The following PDGFD variants were observed in gnomAD, a reference collection of about 807,000 sequenced individuals.
PDGFD encodes the protein platelet derived growth factor D.
In PDGFD, 30 loss-of-function variants were observed where a neutral mutation model predicts 44.7. The observed-to-expected ratio is 0.67, with a 90% CI of 0.50 to 0.91. The LOEUF is 0.91. Ranked by LOEUF, PDGFD falls within the 40% of genes least tolerant of loss-of-function variation. The probability of loss-of-function intolerance (pLI) is 0.00; values close to 1 mark genes in which losing one functional copy is unlikely to be tolerated. For synonymous variants in PDGFD, 173 were observed against 168.4 expected (o/e 1.03, Z -0.21); for missense variants, 445 against 457.8 (o/e 0.97, Z 0.25).
Position 103,927,289 on chromosome 11 carries a change from C to T in PDGFD, c.773-163G>A, listed in dbSNP as rs529157515. On this transcript the variant is annotated intron_variant, in intron 5 of 6. Coordinates refer to ENST00000393158, the MANE Select transcript of PDGFD (RefSeq NM_025208.5). ...ATTACTGGGAACCTAAAGTAAAAGACCTAATTTCTCTCTTGATCCCATCTA... is the reference window on the plus strand; with the variant it reads ...ATTACTGGGAACCTAAAGTAAAAGATCTAATTTCTCTCTTGATCCCATCTA... 2.5e-4 allele frequency among the ~76,000 whole-genome samples: 38 copies of T among 152,238 alleles called. 2 individuals carry two copies. The highest frequency in any genetic ancestry group is 2.0e-3 in the Admixed American group (30 of 15,270).
intron 3 of PDGFD, among the ~76,000 whole-genome samples, chr11:103,965,209 T>C (rs1335801663): frequency 6.6e-6 from 1 of 152,160 alleles, no homozygotes; most frequent in Non-Finnish European, 1.5e-5. Flanking sequence ...ACTTATCAGT[T>C]AAGACGGCTC....
At chr11:104,039,108 T>C (rs1860304552) in intron 1 of PDGFD, 2 of 167,084 alleles carry the variant, frequency 1.2e-5, no homozygotes, top group South Asian at 4.1e-4. Flanking sequence ...GAGAAAAGTT[T>C]CAGCTTCCTG....
chr11:103,997,344 G>A (rs1859548139), intron 2 of PDGFD, among the ~76,000 whole-genome samples: 1 of 152,098 alleles, frequency 6.6e-6, no homozygotes, highest in South Asian at 2.1e-4. Flanking sequence ...AATACATAGA[G>A]AAACCAATAT....
intron 1 of PDGFD, among the ~76,000 whole-genome samples, chr11:104,113,396 T>G (rs553161162): frequency 6.6e-6 from 1 of 152,190 alleles, no homozygotes; most frequent in African/African-American, 2.4e-5. Context: ...GAGTGATGCA[T>G]GTAATGTGAA....
intron 3 of PDGFD, among the ~76,000 whole-genome samples, chr11:103,986,413 CA>C (rs1859365448): frequency 6.6e-6 from 1 of 152,202 alleles, no homozygotes; most frequent in African/African-American, 2.4e-5. Context: ...TGTGGGCTCC[CA>C]CCCTTTATGG....
At chr11:104,065,444 T>G (rs1860775652) in intron 1 of PDGFD, among the ~76,000 whole-genome samples, 1 of 152,152 alleles carries the variant, frequency 6.6e-6, no homozygotes, top group Admixed American at 6.5e-5. Flanking sequence ...TCTTAAAAAT[T>G]TTTTCATTAG....
chr11:103,965,183 T>G (rs778489417), intron 3 of PDGFD, among the ~76,000 whole-genome samples: 4 of 152,134 alleles, frequency 2.6e-5, no homozygotes, highest in Non-Finnish European at 5.9e-5. Context: ...GCATTTGACG[T>G]GAGAAGCCAG....
At chr11:103,993,900 C>T (rs1356911917) in intron 3 of PDGFD, among the ~76,000 whole-genome samples, 2 of 151,876 alleles carry the variant, frequency 1.3e-5, no homozygotes, top group African/African-American at 2.4e-5. Context: ...TAGAAAAATA[C>T]ACAAGAATGT....
chr11:104,071,220 A>T (rs1289868012), intron 1 of PDGFD, among the ~76,000 whole-genome samples: 3 of 151,970 alleles, frequency 2.0e-5, no homozygotes, highest in Non-Finnish European at 4.4e-5. Flanking sequence ...TAAACATTAC[A>T]CCAATATGTA....
chr11:103,930,556 A>G (rs1298090962), intron 5 of PDGFD, among the ~76,000 whole-genome samples: 1 of 152,026 alleles, frequency 6.6e-6, no homozygotes, highest in African/African-American at 2.4e-5. Context: ...GTTAAGAAAA[A>G]AAAAAAAAAA....
At chr11:104,032,652 CT>C (rs202215171) in intron 1 of PDGFD, among the ~76,000 whole-genome samples, 3,641 of 137,686 alleles carry the variant, frequency 0.026, 160 homozygotes, top group East Asian at 0.26. Context: ...GGATTTTTTT[CT>C]TTTTTTTTTT....
intron 1 of PDGFD, among the ~76,000 whole-genome samples, chr11:104,111,262 C>CTTTTTTT (rs373944945): frequency 2.5e-5 from 3 of 119,646 alleles, no homozygotes; most frequent in African/African-American, 6.1e-5. Flanking sequence ...ATTATTAATT[C>CTTTTTTT]TTTTTTTTTT....
rs546331435 is a variant in PDGFD at position 104,077,468 on chromosome 11, A to G, written c.125-77213T>C. On this transcript the variant is annotated intron_variant, in intron 1 of 6. Transcript: ENST00000393158. ...ATCTCTCCTCAAAAAGAACAGCAGG[A>G]TAAGTGGGGACAGGGAGAGGTAAAT... is the stretch of plus-strand genomic sequence containing the variant. Among the ~76,000 whole-genome samples the G allele has an allele frequency of 3.9e-5, 6 of 152,308 alleles. No individual in the cohort carries two copies. The East Asian group carries it at 1.2e-3, about 29-fold the overall frequency.
intron 1 of PDGFD, among the ~76,000 whole-genome samples, chr11:104,093,122 A>T (rs937978263): frequency 2.0e-5 from 3 of 152,266 alleles, no homozygotes; most frequent in Middle Eastern, 6.8e-3. Context: ...GCTGAAACCT[A>T]AATGATTTTA....
chr11:103,980,107 A>C (rs1246866939), intron 3 of PDGFD, among the ~76,000 whole-genome samples: 2 of 152,208 alleles, frequency 1.3e-5, no homozygotes, highest in Middle Eastern at 3.4e-3. Context: ...TTAGTTATTC[A>C]TATTTCTTTT....
At chr11:104,014,421 AG>A (rs1175236688) in intron 1 of PDGFD, among the ~76,000 whole-genome samples, 1 of 152,130 alleles carries the variant, frequency 6.6e-6, no homozygotes, top group East Asian at 1.9e-4. Context: ...GCTTAAGCTC[AG>A]GAGTTTGAGG....
intron 1 of PDGFD, among the ~76,000 whole-genome samples, chr11:104,083,396 G>A (rs1399438458): frequency 1.3e-5 from 2 of 152,172 alleles, no homozygotes; most frequent in African/African-American, 2.4e-5. Context: ...ACTCTGTGAA[G>A]TTTTCTGAGG....
chr11:103,923,693 AC>A (rs1360969923), intron 6 of PDGFD, among the ~76,000 whole-genome samples: 4 of 152,210 alleles, frequency 2.6e-5, no homozygotes, highest in Admixed American at 6.5e-5. Context: ...GCTGTTTCCC[AC>A]AGGGCACTTG....
At chr11:104,037,262 G>T in intron 1 of PDGFD, 1 of 1,613,470 alleles carries the variant, frequency 6.2e-7, no homozygotes, top group Non-Finnish European at 8.5e-7. Flanking sequence ...GCCCTGATCC[G>T]CAGCATGCTG....
Sources: gnomAD v4.1 joint callset for allele counts (sites outside exome capture counted in the v4.1 genomes callset) on GRCh38, gnomAD v4.1.1 for gene constraint, MANE v1.5 for transcripts, NCBI Gene and HGNC (gene_info 2026-07-23, HGNC 2026-07-21) for gene names.